Variants in NEGR1 observed in about 807,000 individuals in gnomAD.
NEGR1 encodes the protein IgLON family member 4.
A neutral mutation model predicts 40.9 loss-of-function variants in NEGR1; 10 were observed. That is an observed-to-expected ratio of 0.24 (90% CI 0.15 to 0.42). NEGR1 has a LOEUF of 0.42. Ranked by LOEUF, NEGR1 falls within the 10% of genes least tolerant of loss-of-function variation. NEGR1 has a pLI of 1.00. For synonymous variants in NEGR1, 185 were observed against 166.8 expected, an observed-to-expected ratio of 1.11 and a Z score of -0.84; for missense variants, 352 against 438.9, an observed-to-expected ratio of 0.80 and a Z score of 1.77.
In NEGR1 at chr1:71,902,986, ATT is replaced by A. The variant is rs1557694365; in HGVS notation, c.409+32091_409+32092del. Reference sequence around the variant, plus strand: ...AACATGAGACTAGAATATGCCAATGATTTATTGAAATGCTATTAACCCTCTTT... The same window carrying A: ...AACATGAGACTAGAATATGCCAATGATATTGAAATGCTATTAACCCTCTTT... On this transcript the variant is annotated intron_variant, in intron 2 of 6. Coordinates refer to ENST00000357731, the MANE Select transcript of NEGR1 (RefSeq NM_173808.3). 5.9e-5 allele frequency among the ~76,000 whole-genome samples: 9 copies of A among 152,160 alleles called. No individual in the cohort carries two copies. In the South Asian group the frequency reaches 1.9e-3, roughly 32 times the overall value.
intron 4 of NEGR1, among the ~76,000 whole-genome samples, chr1:71,657,503 A>T (rs1029336835): frequency 6.6e-5 from 10 of 152,350 alleles, no homozygotes; most frequent in Admixed American, 6.5e-4. Context: ...AGAAACATTT[A>T]GTTTTTTTCT....
At chr1:72,124,991 T>G (rs1649955228) in intron 1 of NEGR1, among the ~76,000 whole-genome samples, 1 of 152,098 alleles carries the variant, frequency 6.6e-6, no homozygotes, top group African/African-American at 2.4e-5. Context: ...ATGGCGTATA[T>G]AAAAGTCAAA....
At chr1:72,181,881 GAGA>G (rs907765180) in intron 1 of NEGR1, among the ~76,000 whole-genome samples, 6 of 152,180 alleles carry the variant, frequency 3.9e-5, no homozygotes, top group Admixed American at 3.3e-4. Context: ...CAGAGGTTGG[GAGA>G]AGGACAGAGG....
At chr1:71,575,781 TCAAAACAAAAACAAAAACAAAACAAAA>T (rs1648946190) in intron 6 of NEGR1, among the ~76,000 whole-genome samples, 1 of 138,394 alleles carries the variant, frequency 7.2e-6, no homozygotes, top group African/African-American at 2.7e-5. Context: ...AGACTCCGGC[TCAAAACAAAAACAAAAACAAAACAAAA>T]CAAAACAAAA....
At chr1:71,572,851 A>G (rs2101494871) in intron 6 of NEGR1, among the ~76,000 whole-genome samples, 1 of 152,276 alleles carries the variant, frequency 6.6e-6, no homozygotes, top group South Asian at 2.1e-4. Flanking sequence ...GGGACCCTAG[A>G]AGAGTAATCA....
chr1:71,834,434 G>A (rs1274749908), intron 2 of NEGR1, among the ~76,000 whole-genome samples: 2 of 151,940 alleles, frequency 1.3e-5, no homozygotes, highest in African/African-American at 4.8e-5. Context: ...GTGGAGGAAG[G>A]AGGAATTCAC....
At chr1:72,133,836 A>T (rs1032612613) in intron 1 of NEGR1, among the ~76,000 whole-genome samples, 4 of 151,780 alleles carry the variant, frequency 2.6e-5, no homozygotes, top group African/African-American at 9.7e-5. Flanking sequence ...TAAATTATAA[A>T]AGTAAATTTC....
intron 1 of NEGR1, among the ~76,000 whole-genome samples, chr1:72,221,177 T>G (rs953703216): frequency 6.6e-6 from 1 of 152,154 alleles, no homozygotes; most frequent in Non-Finnish European, 1.5e-5. Context: ...TATCATCATA[T>G]GGCCTTCTTT....
intron 3 of NEGR1, among the ~76,000 whole-genome samples, chr1:71,748,076 A>G (rs1413468450): frequency 6.6e-6 from 1 of 152,184 alleles, no homozygotes; most frequent in African/African-American, 2.4e-5. Flanking sequence ...GAACAAGTGT[A>G]ACTTTCCTCA....
intron 6 of NEGR1, among the ~76,000 whole-genome samples, chr1:71,452,865 C>G (rs1211895377): frequency 6.6e-6 from 1 of 150,910 alleles, no homozygotes; most frequent in African/African-American, 2.4e-5. Context: ...AACAATGTAA[C>G]ATGTCCTAAC....
chr1:71,672,674 T>C (rs1489904186), intron 4 of NEGR1, among the ~76,000 whole-genome samples: 2 of 152,122 alleles, frequency 1.3e-5, no homozygotes, highest in Admixed American at 1.3e-4. Flanking sequence ...CAAACTTAAG[T>C]TTCAGAATAG....
At chr1:72,100,266 A>G (rs1484503608) in intron 1 of NEGR1, among the ~76,000 whole-genome samples, 1 of 152,198 alleles carries the variant, frequency 6.6e-6, no homozygotes, top group African/African-American at 2.4e-5. Context: ...AATATAACAT[A>G]AACTTTCTAT....
At chr1:71,803,423 A>T (rs1657633675) in intron 2 of NEGR1, among the ~76,000 whole-genome samples, 1 of 152,164 alleles carries the variant, frequency 6.6e-6, no homozygotes, top group Non-Finnish European at 1.5e-5. Context: ...ATAATATACC[A>T]TCACACTCAG....
intron 4 of NEGR1, among the ~76,000 whole-genome samples, chr1:71,678,897 C>A (rs1195470617): frequency 2.0e-5 from 3 of 152,076 alleles, no homozygotes; most frequent in African/African-American, 7.2e-5. Context: ...GCCGAGCAAA[C>A]AGAGGCGGCA....
intron 6 of NEGR1, among the ~76,000 whole-genome samples, chr1:71,567,188 T>G (rs1418834224): frequency 6.6e-6 from 1 of 151,776 alleles, no homozygotes; most frequent in Non-Finnish European, 1.5e-5. Context: ...TTTCTTTTCT[T>G]TTTGTTGTGT....
intron 4 of NEGR1, among the ~76,000 whole-genome samples, chr1:71,649,364 C>T (rs1362886575): frequency 6.6e-6 from 1 of 152,050 alleles, no homozygotes. Flanking sequence ...ATCCTAAGGA[C>T]ATAAACAAAG....
intron 1 of NEGR1, among the ~76,000 whole-genome samples, chr1:71,962,873 G>A (rs1052660738): frequency 8.0e-5 from 12 of 150,398 alleles, no homozygotes; most frequent in Non-Finnish European, 1.2e-4. Context: ...AATGGACATC[G>A]GATTCACCTT....
intron 2 of NEGR1, among the ~76,000 whole-genome samples, chr1:71,894,194 C>A: frequency 7.4e-6 from 1 of 134,374 alleles, no homozygotes. Flanking sequence ...GCACAATGTG[C>A]ACATGTACCC....
intron 1 of NEGR1, among the ~76,000 whole-genome samples, chr1:71,977,915 C>T (rs1456654584): frequency 6.6e-6 from 1 of 151,840 alleles, no homozygotes; most frequent in Non-Finnish European, 1.5e-5. Flanking sequence ...AATTTCTTTC[C>T]AACCTGTGTC....
Sources: gnomAD v4.1 joint callset for allele counts (sites outside exome capture counted in the v4.1 genomes callset) on GRCh38, gnomAD v4.1.1 for gene constraint, MANE v1.5 for transcripts, NCBI Gene and HGNC (gene_info 2026-07-23, HGNC 2026-07-21) for gene names.